ANKDD1A: variants seen among roughly 807,000 people sequenced by gnomAD.
The protein encoded by ANKDD1A is ankyrin repeat and death domain-containing protein 1A.
Under a neutral mutation model 63.5 loss-of-function variants are expected in ANKDD1A, and 59 were observed. The observed-to-expected ratio is 0.93, with a 90% confidence interval of 0.75 to 1.15. The LOEUF (loss-of-function observed/expected upper bound fraction) is 1.15. Among genes scored for constraint, ANKDD1A ranks in the 50% most tolerant of loss-of-function variants. The probability of loss-of-function intolerance (pLI) is 0.00; values close to 1 mark genes in which losing one functional copy is unlikely to be tolerated. For synonymous variants in ANKDD1A, 266 were observed against 263.9 expected (o/e 1.01, Z -0.08); for missense variants, 632 against 656.4 (o/e 0.96, Z 0.41).
chr15:64,935,713 G>A (rs993915972), intron 9 of ANKDD1A, among the ~76,000 whole-genome samples: 1 of 151,144 alleles, frequency 6.6e-6, no homozygotes, highest in African/African-American at 2.4e-5. Context: ...GCATGGTGGT[G>A]TATCCCTGTA....
intron 11 of ANKDD1A, 143 bp from the exon 12 acceptor site, chr15:64,944,509 G>A: frequency 1.5e-6 from 1 of 667,500 alleles, no homozygotes; most frequent in East Asian, 2.8e-5. Context: ...TTCATGCCCA[G>A]AAAACCAGAA....
Position 64,951,448 on chromosome 15 carries a change from CT to C in ANKDD1A, c.1483+1479del, listed in dbSNP as rs1174874659. The C allele has an allele frequency of 7.8e-4, 41 of 52,704 alleles. 2 individuals carry two copies. The East Asian group carries it at 9.5e-3, about 12-fold the overall frequency. 3.3% of individuals were successfully genotyped at this position (52,704 alleles called of 1,614,324 possible). ...TTTTCTTCTTTTTCTTTCTTCTTCC[CT>C]TTCTTTTCTTTTCTCTTTTTTCTTT... is the stretch of plus-strand genomic sequence containing the variant. On this transcript the variant is annotated intron_variant, in intron 14 of 14. Transcript: ENST00000319580.
intron 14 of ANKDD1A, among the ~76,000 whole-genome samples, chr15:64,954,362 T>TTCTC (rs2085382812): frequency 7.9e-5 from 5 of 63,374 alleles, no homozygotes; most frequent in Admixed American, 7.2e-4. Flanking sequence ...TCTCTTCTTC[T>TTCTC]CCTTCTTCTT....
chr15:64,929,079 C>A (rs563767884), intron 6 of ANKDD1A, among the ~76,000 whole-genome samples: 3 of 152,376 alleles, frequency 2.0e-5, no homozygotes, highest in African/African-American at 7.2e-5. Context: ...AGCAGCCAGC[C>A]TGCAGGCTAT....
In ANKDD1A at chr15:64,917,503, G is replaced by T. The variant is rs1340312374; in HGVS notation, c.256G>T (p.Ala86Ser). The change falls in exon 3 of 15, where the codon GCA (alanine) becomes TCA (serine). Residue 86 changes from alanine to serine, a missense_variant. Ala to Ser is a moderately conservative substitution (Grantham distance 99). Coordinates refer to ENST00000319580, the MANE Select transcript of ANKDD1A (RefSeq NM_182703.6). ...EEDAVGALTE[A>S]RLCFGMNALL... is the part of the protein sequence containing the mutation. ...GGATGCGGTAGGGGCCCTCACAGAG[G>T]CACGTCTGTGTGTACGTGTCTGTCT... 3 of 1,570,926 alleles carry T rather than the reference G, an allele frequency of 1.9e-6. No individual in the cohort carries two copies. The highest frequency in any genetic ancestry group is 2.6e-6 in the Non-Finnish European group (3 of 1,159,306).
In ANKDD1A at chr15:64,951,188, C is replaced by A. The variant is rs924202133; in HGVS notation, c.1483+1216C>A. On this transcript the variant is annotated intron_variant, in intron 14 of 14. Coordinates refer to ENST00000319580, the MANE Select transcript of ANKDD1A (RefSeq NM_182703.6). The stretch of plus-strand genomic sequence containing the variant: ...AGGAGGCAAATGTTTGTACACTGAT[C>A]TTTTTCATGAGGATGGGTCCAAGGG... 117 of 1,048,216 alleles carry A rather than the reference C, an allele frequency of 1.1e-4. 1 individual carries two copies. Among genetic ancestry groups the A allele is most frequent in the Non-Finnish European group, 1.3e-4 (109 of 864,944 alleles). The allele number at this position is 1,048,216 out of a possible 1,614,324, so 64.9% of individuals were successfully genotyped here.
intron 14 of ANKDD1A, among the ~76,000 whole-genome samples, chr15:64,951,962 CTCTTCTTTCT>C (rs2085293383): frequency 7.1e-6 from 1 of 141,736 alleles, no homozygotes; most frequent in Non-Finnish European, 1.5e-5. Flanking sequence ...TTTCCTTCTG[CTCTTCTTTCT>C]TCTTCCTTCT....
intron 10 of ANKDD1A, 144 bp from the exon 11 acceptor site, chr15:64,943,340 T>C (rs2085199023): frequency 8.6e-6 from 6 of 696,032 alleles, no homozygotes; most frequent in Non-Finnish European, 1.3e-5. Flanking sequence ...TGATCTCATG[T>C]ATGTAAAACC....
intron 5 of ANKDD1A, among the ~76,000 whole-genome samples, chr15:64,926,553 A>G (rs2085047208): frequency 6.6e-6 from 1 of 152,064 alleles, no homozygotes; most frequent in Non-Finnish European, 1.5e-5. Flanking sequence ...AAAGGGCTCT[A>G]GTGTGAGTTC....
In ANKDD1A at chr15:64,952,337, CCTTCTTCTT is replaced by C. The variant is rs587747517; in HGVS notation, c.1483+2366_1483+2374del. 1.5e-3 allele frequency among the ~76,000 whole-genome samples: 206 copies of C among 141,532 alleles called. 3 individuals carry two copies. The highest frequency in any genetic ancestry group is 5.4e-3 in the African/African-American group (203 of 37,822). 92.9% of individuals were successfully genotyped at this position (141,532 alleles called of 152,430 possible). A position where few individuals can be genotyped will look rare whatever the true frequency, so the allele number is the denominator to read the frequency against. On this transcript the variant is annotated intron_variant, in intron 14 of 14. Transcript: ENST00000319580. The stretch of plus-strand genomic sequence containing the variant: ...TTTTTCTTTCTTCCTTCTTCCTTCT[CCTTCTTCTT>C]AGTTCTTCCTCCTTCTTCTTTCTTC...
chr15:64,953,659 T>TTCC (rs2085354151), intron 14 of ANKDD1A, among the ~76,000 whole-genome samples: 50 of 3,768 alleles, frequency 0.013, no homozygotes, highest in South Asian at 0.12. Flanking sequence ...TCTCCTTCTT[T>TTCC]TCTTTCTTCT....
chr15:64,925,999 A>G, intron 4 of ANKDD1A, 67 bp from the exon 5 acceptor site: 1 of 1,418,352 alleles, frequency 7.1e-7, no homozygotes, highest in Non-Finnish European at 9.7e-7. Context: ...GCTGTTTGGG[A>G]GACTGGCAGT....
intron 3 of ANKDD1A, among the ~76,000 whole-genome samples, chr15:64,919,296 T>C (rs1461156702): frequency 6.6e-6 from 1 of 152,192 alleles, no homozygotes; most frequent in Non-Finnish European, 1.5e-5. Context: ...TCCTCTGGAC[T>C]CTGCCCGTGC....
intron 14 of ANKDD1A, among the ~76,000 whole-genome samples, chr15:64,955,922 T>C (rs2085412559): frequency 6.6e-6 from 1 of 152,146 alleles, no homozygotes; most frequent in Admixed American, 6.5e-5. Flanking sequence ...ATGATAGACA[T>C]ACAAGGTTAT....
chr15:64,951,427 C>CT (rs1458177250), intron 14 of ANKDD1A: 29 of 106,176 alleles, frequency 2.7e-4, no homozygotes, highest in Admixed American at 1.0e-3. Flanking sequence ...TTCCTCTTTT[C>CT]TTCTTTTTCT....
At chr15:64,928,574 C>G (rs936891305) in intron 6 of ANKDD1A, among the ~76,000 whole-genome samples, 3 of 152,092 alleles carry the variant, frequency 2.0e-5, no homozygotes, top group African/African-American at 7.2e-5. Flanking sequence ...GAGTGGGGCA[C>G]GGTAAGTTTT....
At chr15:64,917,618 C>T in intron 3 of ANKDD1A, 104 bp downstream of exon 3, 1 of 1,471,792 alleles carries the variant, frequency 6.8e-7, no homozygotes, top group Non-Finnish European at 9.1e-7. Context: ...TGCAGACATT[C>T]AGGTGCAGAG....
intron 3 of ANKDD1A, among the ~76,000 whole-genome samples, chr15:64,919,165 T>A (rs991218502): frequency 2.0e-5 from 3 of 152,086 alleles, no homozygotes; most frequent in African/African-American, 7.2e-5. Context: ...TGGGGAAAGC[T>A]GGTATAGGAC....
At chr15:64,954,769 T>TCTTCTTCTCCTTCTTC (rs2085397805) in intron 14 of ANKDD1A, among the ~76,000 whole-genome samples, 1 of 147,216 alleles carries the variant, frequency 6.8e-6, no homozygotes, top group African/African-American at 2.7e-5. Context: ...TGTTCTTCTT[T>TCTTCTTCTCCTTCTTC]CTTCTTCTCC....
Sources: allele counts gnomAD v4.1 joint callset (sites outside exome capture counted in the v4.1 genomes callset), GRCh38; gene constraint gnomAD v4.1.1; transcripts MANE v1.5; gene names NCBI Gene and HGNC (gene_info 2026-07-23, HGNC 2026-07-21).